CFAP157: variants seen among roughly 807,000 people sequenced by gnomAD.
The protein encoded by CFAP157 is cilia- and flagella-associated protein 157.
Under a neutral mutation model 57.8 loss-of-function variants are expected in CFAP157, and 43 were observed. That is an observed-to-expected ratio of 0.74 (90% CI 0.58 to 0.96). The LOEUF (loss-of-function observed/expected upper bound fraction) is 0.96. Ranked by LOEUF, CFAP157 falls within the 40% of genes least tolerant of loss-of-function variation. The pLI, the probability that CFAP157 is intolerant of heterozygous loss-of-function variation, is 0.00. For missense variants in CFAP157, 606 were observed against 655.3 expected (o/e 0.92, Z 0.82); for synonymous variants, 267 against 269.0 (o/e 0.99, Z 0.07).
At position 127,715,041 on chromosome 9, in the gene CFAP157, C is replaced by T; in HGVS notation, c.*1136C>T. 6.6e-7 allele frequency: 1 copy of T among 1,521,230 alleles called. No individual in the cohort carries two copies. Among genetic ancestry groups the T allele is most frequent in the East Asian group, 2.5e-5 (1 of 40,376 alleles). The allele number at this position is 1,521,230 out of a possible 1,614,324, so 94.2% of individuals were successfully genotyped here. ...CGTGGCCGGAGCAGGACCAGTTGGG[C>T]ATCCCCCAGCGGGGCCAGGGCGAGG... is the stretch of plus-strand genomic sequence containing the variant. On this transcript the variant is annotated 3_prime_UTR_variant, in exon 9 of 9. Transcript: ENST00000373295. The surrounding 1 kb of genome is among the most constrained non-coding windows in gnomAD (Gnocchi z 5.8).
rs752164335 is a variant in CFAP157 at position 127,714,129 on chromosome 9, G to T, written c.*224G>T. The T allele has an allele frequency of 6.2e-7, 1 of 1,613,496 alleles. No individual in the cohort carries two copies. Among genetic ancestry groups the T allele is most frequent in the African/African-American group, 1.3e-5 (1 of 75,052 alleles). Reference sequence around the variant, plus strand: ...GGCCCCAGTGAGGGCCCCTGGCTTCGCTCACGGATGTGGTCCAAGATCAGG... The same window carrying T: ...GGCCCCAGTGAGGGCCCCTGGCTTCTCTCACGGATGTGGTCCAAGATCAGG... On this transcript the variant is annotated 3_prime_UTR_variant, in exon 9 of 9. Transcript: ENST00000373295.
chr9:127,712,819 T>G lies in CFAP157; in HGVS notation c.1248T>G (p.Pro416=), dbSNP rs377334421. 8.7e-6 allele frequency: 14 copies of G among 1,613,948 alleles called. No individual in the cohort carries two copies. Among genetic ancestry groups the G allele is most frequent in the Non-Finnish European group, 1.2e-5 (14 of 1,179,932 alleles). The change falls in exon 7 of 9, where the codon CCT becomes CCG. Residue 416 remains proline (P), a synonymous_variant. Coordinates refer to ENST00000373295, the MANE Select transcript of CFAP157 (RefSeq NM_001012502.3). ...VMLSSTVATR[P]QKAACPHQES... ...TCAGCTCCACTGTGGCCACGAGACC[T>G]CAGAAGGCTGCGTGTCCCCACCAGG...
In CFAP157 at chr9:127,713,053, T is replaced by C. The variant is rs775021171; in HGVS notation, c.1338T>C (p.Ser446=). Residue 446 remains serine (S), a synonymous_variant, in exon 8 of 9, where the codon TCT becomes TCC. Coordinates refer to ENST00000373295, the MANE Select transcript of CFAP157 (RefSeq NM_001012502.3). ...RPSIQLPRTG[S]LLPQLSDITP... ...GCATCCAGCTGCCCAGGACTGGGTC[T>C]CTGCTGCCGCAGCTCTCTGACATCA... The C allele has an allele frequency of 1.2e-6, 2 of 1,613,866 alleles. No individual in the cohort carries two copies. Among genetic ancestry groups the C allele is most frequent in the Non-Finnish European group, 1.7e-6 (2 of 1,179,908 alleles).
At chr9:127,711,158 C>G in intron 3 of CFAP157, 71 bp from the exon 4 acceptor site, 1 of 1,551,878 alleles carries the variant, frequency 6.4e-7, no homozygotes, top group East Asian at 2.3e-5. Context: ...CTCTGGGAAC[C>G]TCACAAAGGG....
Position 127,710,601 on chromosome 9 carries a change from G to C in CFAP157, c.434G>C (p.Gly145Ala), listed in dbSNP as rs202023603. 3.6e-4 allele frequency: 561 copies of C among 1,579,962 alleles called. 2 individuals carry two copies. The highest frequency in any genetic ancestry group is 5.2e-4 in the Middle Eastern group (3 of 5,814). The stretch of plus-strand genomic sequence containing the variant: ...GGGCCTTGTGCGCTGTGGCGGCCAG[G>C]GGGGAAGCTGGCAGCCCTGGAGGAG... ...DQLTTENIIL[G>A]GKLAALEEFR... The change falls in exon 3 of 9, where the codon GGG becomes GCG. Residue 145 changes from glycine to alanine, a missense_variant and splice_region_variant. Gly to Ala is a moderately conservative substitution (Grantham distance 60). Transcript: ENST00000373295.
In CFAP157 at chr9:127,715,162, G is replaced by A. The variant is rs989276337; in HGVS notation, c.*1257G>A. The A allele has an allele frequency of 6.5e-7, 1 of 1,533,464 alleles. No individual in the cohort carries two copies. The highest frequency in any genetic ancestry group is 1.2e-5 in the South Asian group (1 of 83,664). 95.0% of individuals were successfully genotyped at this position (1,533,464 alleles called of 1,614,324 possible). ...CCGCCATGCCCACGCTGTGTCGCGT[G>A]CCGGGCAGTCCGGGATTCCCCAGGC... On this transcript the variant is annotated 3_prime_UTR_variant, in exon 9 of 9. Coordinates refer to ENST00000373295, the MANE Select transcript of CFAP157 (RefSeq NM_001012502.3). The surrounding 1 kb of genome is among the most constrained non-coding windows in gnomAD (Gnocchi z 5.8).
At chr9:127,712,420 G>A in intron 6 of CFAP157, 71 bp downstream of exon 6, 1 of 1,576,646 alleles carries the variant, frequency 6.3e-7, no homozygotes, top group Non-Finnish European at 8.6e-7. Context: ...TGCTTGCAGA[G>A]AAGGGGCTGC....
At position 127,709,547 on chromosome 9, in the gene CFAP157, A is replaced by G; in HGVS notation, c.287A>G (p.Asp96Gly). The G allele has an allele frequency of 2.5e-6, 4 of 1,614,126 alleles. No homozygotes were observed. Among genetic ancestry groups the G allele is most frequent in the Non-Finnish European group, 3.4e-6 (4 of 1,180,032 alleles). The stretch of plus-strand genomic sequence containing the variant: ...AAGCGCACGCTCAACCAGCAGGTGG[A>G]TGAGATCACAGACCTCAACGAGCAG... The part of the protein sequence containing the change: ...FLKRTLNQQV[D>G]EITDLNEQLQ... Residue 96 changes from aspartate (D) to glycine (G), a missense_variant, in exon 2 of 9, where the codon GAT (aspartate) becomes GGT (glycine). Transcript: ENST00000373295. The surrounding 1 kb of genome is among the most constrained non-coding windows in gnomAD (Gnocchi z 4.7).
chr9:127,708,044 C>T (rs1361947685), intron 1 of CFAP157, among the ~76,000 whole-genome samples: 2 of 152,122 alleles, frequency 1.3e-5, no homozygotes, highest in East Asian at 3.9e-4. Context: ...GGGAAGTCAC[C>T]CCCAGGAAGA....
chr9:127,709,763 C>G lies in CFAP157; in HGVS notation c.433+70C>G. On this transcript the variant is annotated intron_variant, in intron 2 of 8. Coordinates refer to ENST00000373295, the MANE Select transcript of CFAP157 (RefSeq NM_001012502.3). The surrounding 1 kb of genome is among the most constrained non-coding windows in gnomAD (Gnocchi z 4.7). ...CTCTATCACTGACCCTGTTTCTCACCTGGGAAACAGGGATAATAGCCACAT... is the reference window on the plus strand; with the variant it reads ...CTCTATCACTGACCCTGTTTCTCACGTGGGAAACAGGGATAATAGCCACAT... The G allele has an allele frequency of 2.0e-6, 3 of 1,492,492 alleles. No homozygotes were observed. The highest frequency in any genetic ancestry group is 2.7e-6 in the Non-Finnish European group (3 of 1,096,056). 92.5% of individuals were successfully genotyped at this position (1,492,492 alleles called of 1,614,324 possible).
Position 127,707,205 on chromosome 9 carries a change from G to A in CFAP157, c.161+13G>A, listed in dbSNP as rs532700470. 70 of 1,606,956 alleles carry A rather than the reference G, an allele frequency of 4.4e-5. No homozygotes were observed. Among genetic ancestry groups the A allele is most frequent in the Non-Finnish European group, 5.9e-5 (69 of 1,178,336 alleles). ...ACCGGCTAGCCCGGTGCGTGGGCTG[G>A]CGGGCAGGAGTCTGGTGCCCTGGGT... On this transcript the variant is annotated intron_variant, in intron 1 of 8. Coordinates refer to ENST00000373295, the MANE Select transcript of CFAP157 (RefSeq NM_001012502.3).
rs571924672 is a variant in CFAP157, at chr9:127,709,172, T to A, written c.162-250T>A. On this transcript the variant is annotated intron_variant, in intron 1 of 8. Coordinates refer to ENST00000373295, the MANE Select transcript of CFAP157 (RefSeq NM_001012502.3). This position sits in a 1 kb window ranked among gnomAD's most constrained non-coding sequence, Gnocchi z 4.7. ...GGTGTTGGGGACATACTTGTAAACA[T>A]AACAAGGCCCTGCCCTCATGGAGTT... is the stretch of plus-strand genomic sequence containing the variant. Among the ~76,000 whole-genome samples the A allele has an allele frequency of 6.6e-6, 1 of 152,210 alleles. No homozygotes were observed. Among genetic ancestry groups the A allele is most frequent in the African/African-American group, 2.4e-5 (1 of 41,456 alleles).
rs909600301 is a variant in CFAP157, at chr9:127,714,733, C to T, written c.*828C>T. On this transcript the variant is annotated 3_prime_UTR_variant, in exon 9 of 9. Coordinates refer to ENST00000373295, the MANE Select transcript of CFAP157 (RefSeq NM_001012502.3). ...CACAGGGAAACGGCAGCCCTGGTTA[C>T]TGCCCATCTGCCCAGAGAGGCACTG... The T allele has an allele frequency of 1.3e-6, 2 of 1,541,886 alleles. No homozygotes were observed. The highest frequency in any genetic ancestry group is 1.4e-5 in the African/African-American group (1 of 73,110).
In CFAP157 at chr9:127,712,697, C is replaced by A; in HGVS notation, c.1138-12C>A. On this transcript the variant is annotated splice_polypyrimidine_tract_variant and intron_variant, in intron 6 of 8. Coordinates refer to ENST00000373295, the MANE Select transcript of CFAP157 (RefSeq NM_001012502.3). Reference sequence around the variant, plus strand: ...CACTGTGGGCCTGCTGCCACCCCACCCTCACCAACAGATGCACCGCGATGA... The same window carrying A: ...CACTGTGGGCCTGCTGCCACCCCACACTCACCAACAGATGCACCGCGATGA... 2 of 1,614,136 alleles carry A rather than the reference C, an allele frequency of 1.2e-6. No individual in the cohort carries two copies. Among genetic ancestry groups the A allele is most frequent in the Admixed American group, 3.3e-5 (2 of 60,030 alleles).
In CFAP157 at chr9:127,710,648, G is replaced by C. The variant is rs1208971395; in HGVS notation, c.481G>C (p.Val161Leu). The C allele has an allele frequency of 2.5e-6, 4 of 1,587,458 alleles. No homozygotes were observed. The highest frequency in any genetic ancestry group is 1.8e-5 in the Admixed American group (1 of 55,732). Residue 161 changes from valine to leucine, a missense_variant, in exon 3 of 9, where the codon GTC becomes CTC. Val to Leu is a conservative substitution (Grantham distance 32, BLOSUM62 1). Coordinates refer to ENST00000373295, the MANE Select transcript of CFAP157 (RefSeq NM_001012502.3). ...GGAGTTCCGGCTGCAGAAAGAGGAG[G>C]TCACGGACAAGTTCACATTGCTGGA... ...LEEFRLQKEE[V>L]TDKFTLLEEQ...
At chr9:127,712,943 G>T in intron 7 of CFAP157, 68 bp downstream of exon 7, 1 of 1,590,246 alleles carries the variant, frequency 6.3e-7, no homozygotes, top group East Asian at 2.3e-5. Context: ...TTCAGCCATG[G>T]GGACAGTGCT....
intron 4 of CFAP157, 118 bp downstream of exon 4, chr9:127,711,614 G>A: frequency 7.5e-7 from 1 of 1,339,970 alleles, no homozygotes; most frequent in South Asian, 1.4e-5. Context: ...GCAGCAGAGA[G>A]AGGACTGGGC....
chr9:127,713,303 G>A (rs1446632520), intron 8 of CFAP157, 97 bp downstream of exon 8: 38 of 942,896 alleles, frequency 4.0e-5, no homozygotes, highest in Non-Finnish European at 4.4e-5. Context: ...CCCTGGGGAT[G>A]TAACCAGATC....
In CFAP157 at chr9:127,715,708, C is replaced by G; in HGVS notation, c.*1803C>G. 3 of 1,566,288 alleles carry G rather than the reference C, an allele frequency of 1.9e-6. No individual in the cohort carries two copies. The highest frequency in any genetic ancestry group is 1.1e-5 in the South Asian group (1 of 87,184). ...CCGCAGCAGCCAATCGTGTTGCCAA[C>G]TGTTTGGCGTCCACCGCCAACGTCC... On this transcript the variant is annotated 3_prime_UTR_variant, in exon 9 of 9. Transcript: ENST00000373295. The surrounding 1 kb of genome is among the most constrained non-coding windows in gnomAD (Gnocchi z 5.8).
Sources: allele counts gnomAD v4.1 joint callset (sites outside exome capture counted in the v4.1 genomes callset), GRCh38; gene constraint gnomAD v4.1.1; non-coding constraint Gnocchi (gnomAD v3.1); transcripts MANE v1.5; gene names NCBI Gene and HGNC (gene_info 2026-07-23, HGNC 2026-07-21).